The following STXBP4 variants were observed in gnomAD, a reference collection of about 807,000 sequenced individuals.
STXBP4 encodes syntaxin-binding protein 4.
STXBP4 carries 55 observed loss-of-function variants against 76.1 expected under a neutral mutation model. The observed-to-expected ratio is 0.72, with a 90% CI of 0.58 to 0.91. The LOEUF is 0.91. STXBP4 is among the 40% of genes least tolerant of loss of function. The pLI, the probability that STXBP4 is intolerant of heterozygous loss-of-function variation, is 0.00. For synonymous variants in STXBP4, 201 were observed against 220.2 expected, an observed-to-expected ratio of 0.91 and a Z score of 0.77; for missense variants, 618 against 636.9, an observed-to-expected ratio of 0.97 and a Z score of 0.32.
intron 16 of STXBP4, among the ~76,000 whole-genome samples, chr17:55,129,717 C>T (rs768581625): frequency 7.2e-4 from 110 of 152,172 alleles, no homozygotes; most frequent in Non-Finnish European, 1.4e-3. Flanking sequence ...AAAAAAGTGT[C>T]CCATCTCTAA....
chr17:55,212,758 C>G, the STXBP4 span, among the ~76,000 whole-genome samples: 1 of 152,172 alleles, frequency 6.6e-6, no homozygotes, highest in South Asian at 2.1e-4. Context: ...TCAAAGGAGA[C>G]AGCTGAGAAT....
intron 16 of STXBP4, among the ~76,000 whole-genome samples, chr17:55,135,619 G>A (rs2080020479): frequency 6.6e-6 from 1 of 151,832 alleles, no homozygotes; most frequent in African/African-American, 2.4e-5. Context: ...CTTTTTCATA[G>A]GAAAATTAGC....
intron 12 of STXBP4, among the ~76,000 whole-genome samples, chr17:55,067,689 GA>G (rs1340455766): frequency 6.6e-6 from 1 of 152,090 alleles, no homozygotes. Context: ...CAATCTTTCA[GA>G]AGTATGCAGA....
At chr17:55,026,761 A>G (rs1407074724) in intron 8 of STXBP4, among the ~76,000 whole-genome samples, 1 of 152,208 alleles carries the variant, frequency 6.6e-6, no homozygotes, top group African/African-American at 2.4e-5. Context: ...TAACCCAGGC[A>G]GTGGTTGCAG....
intron 17 of STXBP4, 55 bp from the exon 18 acceptor site, chr17:55,159,742 G>A (rs1255176971): frequency 8.3e-7 from 1 of 1,206,060 alleles, no homozygotes; most frequent in Non-Finnish European, 1.2e-6. Context: ...GTACTTGCAT[G>A]GATGAGTAGA....
intron 17 of STXBP4, among the ~76,000 whole-genome samples, chr17:55,143,239 C>T (rs1313800366): frequency 6.6e-6 from 1 of 152,098 alleles, no homozygotes; most frequent in African/African-American, 2.4e-5. Context: ...TGCATCTTGC[C>T]CTTAGCCATG....
intron 8 of STXBP4, among the ~76,000 whole-genome samples, chr17:55,011,351 T>G (rs1457907035): frequency 2.0e-5 from 3 of 152,006 alleles, no homozygotes; most frequent in African/African-American, 7.2e-5. Flanking sequence ...ATCACCCAAC[T>G]TAAGAATCAG....
chr17:55,152,682 A>G (rs2080229211), intron 17 of STXBP4, among the ~76,000 whole-genome samples: 1 of 152,162 alleles, frequency 6.6e-6, no homozygotes, highest in African/African-American at 2.4e-5. Context: ...CAAGAACAGC[A>G]TGAAAGAAAC....
chr17:55,141,188 G>A, intron 16 of STXBP4, 122 bp from the exon 17 acceptor site: 1 of 800,064 alleles, frequency 1.2e-6, no homozygotes, highest in Admixed American at 2.8e-5. Flanking sequence ...CCCCTTTCTA[G>A]AAAATTATTT....
intron 7 of STXBP4, among the ~76,000 whole-genome samples, chr17:55,006,647 TGG>T: frequency 6.6e-6 from 1 of 152,098 alleles, no homozygotes. Context: ...TGTAGAAAAA[TGG>T]GTAAGAAGTG....
chr17:55,099,502 C>G (rs1197714626), intron 16 of STXBP4, among the ~76,000 whole-genome samples: 1 of 152,104 alleles, frequency 6.6e-6, no homozygotes, highest in Non-Finnish European at 1.5e-5. Context: ...ATACTGTATG[C>G]AATTATAACA....
At chr17:55,114,926 C>A (rs1472135660) in intron 16 of STXBP4, among the ~76,000 whole-genome samples, 1 of 151,804 alleles carries the variant, frequency 6.6e-6, no homozygotes, top group Non-Finnish European at 1.5e-5. Context: ...AATTGGAGCT[C>A]AGAAAAAAAT....
chr17:55,129,955 G>A (rs1409288349), intron 16 of STXBP4, among the ~76,000 whole-genome samples: 4 of 152,064 alleles, frequency 2.6e-5, no homozygotes, highest in East Asian at 1.9e-4. Flanking sequence ...TCTGAATCTC[G>A]AAATCAGAGA....
rs992661931 is a variant in STXBP4, at chr17:55,004,872, G to GA, written c.575-2631dup. Among the ~76,000 whole-genome samples, 5 of 152,178 alleles carry GA rather than the reference G, an allele frequency of 3.3e-5. No homozygotes were observed. In the East Asian group the frequency reaches 9.7e-4, roughly 29 times the overall value. ...ATACTTAGAAAAACTCACTCCCCCAGAAAGGAGCAAATAAAGAGCTTGGAG... is the reference window on the plus strand; with the variant it reads ...ATACTTAGAAAAACTCACTCCCCCAGAAAAGGAGCAAATAAAGAGCTTGGAG... On this transcript the variant is annotated intron_variant, in intron 7 of 17. Transcript: ENST00000376352.
At chr17:54,981,483 A>G (rs2643024) in intron 1 of STXBP4, among the ~76,000 whole-genome samples, 1,912 of 152,276 alleles carry the variant, frequency 0.013, 36 homozygotes, top group African/African-American at 0.043. Context: ...TGGTGGGGAA[A>G]AGATTTAATA....
At chr17:55,047,055 A>G (rs1167634003) in intron 11 of STXBP4, 34 bp from the exon 12 acceptor site, 1 of 1,348,818 alleles carries the variant, frequency 7.4e-7, no homozygotes, top group East Asian at 2.3e-5. Context: ...ATACTTTCAT[A>G]ACAAGTTGTT....
intron 15 of STXBP4, 143 bp from the exon 16 acceptor site, chr17:55,080,903 ATTAC>A (rs1020164500): frequency 5.2e-5 from 33 of 628,916 alleles, no homozygotes; most frequent in African/African-American, 4.8e-4. Context: ...TTTTATGTGA[ATTAC>A]TTCAATTTTG....
At chr17:55,151,083 A>G (rs2080211198) in intron 17 of STXBP4, among the ~76,000 whole-genome samples, 1 of 152,228 alleles carries the variant, frequency 6.6e-6, no homozygotes, top group Non-Finnish European at 1.5e-5. Context: ...GGAAAAGCAA[A>G]GAAACAAATT....
chr17:55,070,793 C>T (rs2079110377), intron 12 of STXBP4, among the ~76,000 whole-genome samples: 1 of 152,028 alleles, frequency 6.6e-6, no homozygotes, highest in Admixed American at 6.6e-5. Flanking sequence ...TCACAGTGTG[C>T]CACATTTCTT....
Sources: gnomAD v4.1 joint callset for allele counts (sites outside exome capture counted in the v4.1 genomes callset) on GRCh38, gnomAD v4.1.1 for gene constraint, MANE v1.5 for transcripts, NCBI Gene and HGNC (gene_info 2026-07-23, HGNC 2026-07-21) for gene names.